CAPN9: variants seen among roughly 807,000 people sequenced by gnomAD.
The protein encoded by CAPN9 is calpain 9, also known as calpain-9.
Under a neutral mutation model 92.8 loss-of-function variants are expected in CAPN9, and 81 were observed. That is an observed-to-expected ratio of 0.87 (90% CI 0.73 to 1.05). The LOEUF (loss-of-function observed/expected upper bound fraction) is 1.05. Ranked by LOEUF, CAPN9 falls within the 50% of genes least tolerant of loss-of-function variation. CAPN9 has a pLI of 0.00. For missense variants in CAPN9, 848 were observed against 866.2 expected, an observed-to-expected ratio of 0.98 and a Z score of 0.26; for synonymous variants, 304 against 328.0, an observed-to-expected ratio of 0.93 and a Z score of 0.79.
intron 1 of CAPN9, among the ~76,000 whole-genome samples, chr1:230,748,457 C>T (rs931369041): frequency 6.6e-6 from 1 of 152,142 alleles, no homozygotes; most frequent in African/African-American, 2.4e-5. Context: ...GGTCCGGTTG[C>T]TTTTGGGCAA....
At chr1:230,792,645 T>C (rs1447635025) in intron 16 of CAPN9, 151 bp downstream of exon 16, 1 of 770,804 alleles carries the variant, frequency 1.3e-6, no homozygotes, top group Non-Finnish European at 2.2e-6. Flanking sequence ...GCTATTCCGA[T>C]GCTTACGGGA....
At position 230,772,082 on chromosome 1, in the gene CAPN9, C is replaced by T. The variant is rs200742141; in HGVS notation, c.858C>T (p.Asn286=). 12 of 1,614,020 alleles carry T rather than the reference C, an allele frequency of 7.4e-6. No individual in the cohort carries two copies. The highest frequency in any genetic ancestry group is 3.3e-5 in the Admixed American group (2 of 60,012). ...ACCCTTGGGGCCAGGTTGAGTGGAA[C>T]GGGTCGTGGAGCGACAGGTCAGTCA... The part of the protein sequence containing the change: ...IRNPWGQVEW[N]GSWSDSSPEW... The change falls in exon 7 of 20, where the codon AAC becomes AAT. Residue 286 remains asparagine (N), a synonymous_variant. Transcript: ENST00000271971.
intron 16 of CAPN9, 62 bp downstream of exon 16, chr1:230,792,556 T>A: frequency 6.1e-6 from 8 of 1,307,414 alleles, no homozygotes; most frequent in Non-Finnish European, 8.9e-6. Flanking sequence ...GCAGAGGGGA[T>A]TTAAAATGGT....
chr1:230,775,286 C>A (rs2102882274), intron 8 of CAPN9, among the ~76,000 whole-genome samples: 2 of 152,234 alleles, frequency 1.3e-5, no homozygotes, highest in East Asian at 3.9e-4. Flanking sequence ...ACAGGCAGCC[C>A]TACTGCTCAC....
chr1:230,752,952 T>C (rs568592863), intron 1 of CAPN9, among the ~76,000 whole-genome samples: 81 of 152,286 alleles, frequency 5.3e-4, no homozygotes, highest in African/African-American at 1.7e-3. Flanking sequence ...TGGGACTCTA[T>C]TGAGGCCCAC....
intron 5 of CAPN9, among the ~76,000 whole-genome samples, chr1:230,768,053 TAA>T (rs869182368): frequency 1.0e-4 from 7 of 69,894 alleles, no homozygotes; most frequent in Non-Finnish European, 1.9e-4. Flanking sequence ...AATAAATAAA[TAA>T]AAAATAAAAT....
Position 230,801,902 on chromosome 1 carries a change from A to G in CAPN9, c.*306A>G, listed in dbSNP as rs191099263. ...TCCTTATTTCCTTCCATTAAGAATT[A>G]CTCAGAGTTCTAACGCACAGAATCC... On this transcript the variant is annotated 3_prime_UTR_variant, in exon 20 of 20. Coordinates refer to ENST00000271971, the MANE Select transcript of CAPN9 (RefSeq NM_006615.3). 1.6e-4 allele frequency: 69 copies of G among 431,094 alleles called. No homozygotes were observed. The East Asian group carries it at 2.4e-3, about 15-fold the overall frequency. 26.7% of individuals were successfully genotyped at this position (431,094 alleles called of 1,614,324 possible).
In CAPN9 at chr1:230,780,579, A is replaced by G; in HGVS notation, c.1352A>G (p.Asn451Ser). The change falls in exon 11 of 20, where the codon AAC becomes AGC. Residue 451 changes from asparagine to serine, a missense_variant. Asn to Ser is a conservative substitution (Grantham distance 46). Transcript: ENST00000271971. ...ASRARSKTFI[N>S]LREVSDRFKL... ...CGGGCCAGAAGCAAGACGTTCATCA[A>G]CCTGAGAGAAGTCTCCGACCGGTTC... 1 of 1,614,172 alleles carries G rather than the reference A, an allele frequency of 6.2e-7. No homozygotes were observed. Among genetic ancestry groups the G allele is most frequent in the South Asian group, 1.1e-5 (1 of 91,082 alleles).
At chr1:230,765,881 T>A (rs918160769) in intron 4 of CAPN9, among the ~76,000 whole-genome samples, 5 of 152,156 alleles carry the variant, frequency 3.3e-5, no homozygotes, top group African/African-American at 1.2e-4. Context: ...CACATAATGA[T>A]TCCTTCCAAA....
rs115184143 is a variant in CAPN9 at position 230,795,718 on chromosome 1, G to A, written c.1987+439G>A. Among the ~76,000 whole-genome samples, 346 of 152,036 alleles carry A rather than the reference G, an allele frequency of 2.3e-3. 2 individuals are homozygous for A. The highest frequency in any genetic ancestry group is 7.7e-3 in the African/African-American group (318 of 41,432). On this transcript the variant is annotated intron_variant, in intron 18 of 19. Transcript: ENST00000271971. The stretch of plus-strand genomic sequence containing the variant: ...ACAAATAGAGAGGGATTATGTGCCC[G>A]TGCGCTTCAGTGTTTGCAGTTTATT...
chr1:230,783,138 G>A (rs1667341135), intron 11 of CAPN9, among the ~76,000 whole-genome samples: 1 of 152,224 alleles, frequency 6.6e-6, no homozygotes, highest in Admixed American at 6.5e-5. Flanking sequence ...CTCCTTTGAA[G>A]ATGCAAAGTT....
intron 1 of CAPN9, among the ~76,000 whole-genome samples, chr1:230,750,489 A>C (rs1442028243): frequency 6.6e-6 from 1 of 152,200 alleles, no homozygotes; most frequent in African/African-American, 2.4e-5. Context: ...ATCAGGAACA[A>C]AAGGGCTGAG....
intron 18 of CAPN9, among the ~76,000 whole-genome samples, chr1:230,797,692 C>A (rs1028641718): frequency 6.6e-6 from 1 of 152,192 alleles, no homozygotes; most frequent in Non-Finnish European, 1.5e-5. Flanking sequence ...CTACACCATG[C>A]GGTAGACCCA....
intron 1 of CAPN9, among the ~76,000 whole-genome samples, chr1:230,750,623 G>A (rs1002996682): frequency 6.6e-6 from 1 of 152,228 alleles, no homozygotes; most frequent in Admixed American, 6.5e-5. Flanking sequence ...ATCATTTGCA[G>A]TGGGACTCAG....
At chr1:230,767,869 G>C (rs1435549046) in intron 5 of CAPN9, among the ~76,000 whole-genome samples, 160 bp downstream of exon 5, 1 of 151,862 alleles carries the variant, frequency 6.6e-6, no homozygotes, top group Non-Finnish European at 1.5e-5. Context: ...CACAAGTTTT[G>C]GGGGGAGGTG....
rs74457264 is a variant in CAPN9 at position 230,763,462 on chromosome 1, A to G, written c.536+676A>G. Among the ~76,000 whole-genome samples, 630 of 152,286 alleles carry G rather than the reference A, an allele frequency of 4.1e-3. 3 individuals carry two copies. The highest frequency in any genetic ancestry group is 6.7e-3 in the Non-Finnish European group (458 of 68,032). Reference sequence around the variant, plus strand: ...TACTTTCTGTTTTTATGATTTATCTAGTCTAGGAACCTCATATAAGTGGAA... The same window carrying G: ...TACTTTCTGTTTTTATGATTTATCTGGTCTAGGAACCTCATATAAGTGGAA... On this transcript the variant is annotated intron_variant, in intron 4 of 19. Coordinates refer to ENST00000271971, the MANE Select transcript of CAPN9 (RefSeq NM_006615.3).
rs28359687 is a variant in CAPN9, at chr1:230,780,514, C to G, written c.1287C>G (p.Asp429Glu). The G allele has an allele frequency of 6.2e-7, 1 of 1,613,094 alleles. No homozygotes were observed. The highest frequency in any genetic ancestry group is 1.7e-5 in the Admixed American group (1 of 59,978). The change falls in exon 11 of 20, where the codon GAC (aspartate) becomes GAG (glutamate). Residue 429 changes from aspartate to glutamate, a missense_variant. Asp to Glu is a conservative substitution (Grantham distance 45, BLOSUM62 2). Coordinates refer to ENST00000271971, the MANE Select transcript of CAPN9 (RefSeq NM_006615.3). ...GYAIYECPDK[D>E]EHLNKDFFRY... The stretch of plus-strand genomic sequence containing the variant: ...GCCCATTGCAGTGCCCTGACAAAGA[C>G]GAACACCTGAACAAAGACTTCTTCA...
rs1558122539 is a variant in CAPN9, at chr1:230,798,238, C to CCT, written c.2046+21_2046+22dup. 1.9e-6 allele frequency: 3 copies of CCT among 1,590,390 alleles called. No homozygotes were observed. The African/African-American group carries it at 4.0e-5, about 21-fold the overall frequency. On this transcript the variant is annotated intron_variant, in intron 19 of 19. Transcript: ENST00000271971. The stretch of plus-strand genomic sequence containing the variant: ...TAAATGAGGTATGGCCAATCCAGAC[C>CCT]CTCTGCTCAGGGACCCAGCTGGGGC...
At chr1:230,795,343 G>T in intron 18 of CAPN9, 64 bp downstream of exon 18, 1 of 954,540 alleles carries the variant, frequency 1.0e-6, no homozygotes, top group Non-Finnish European at 1.7e-6. Flanking sequence ...CTCCATGAGC[G>T]CATGAGAAAC....
Sources: gnomAD v4.1 joint callset for allele counts (sites outside exome capture counted in the v4.1 genomes callset) on GRCh38, gnomAD v4.1.1 for gene constraint, MANE v1.5 for transcripts, NCBI Gene and HGNC (gene_info 2026-07-23, HGNC 2026-07-21) for gene names.